PRMT2: variants seen among roughly 807,000 people sequenced by gnomAD.
PRMT2 encodes the protein protein arginine N-methyltransferase 2.
Under a neutral mutation model 57.6 loss-of-function variants are expected in PRMT2, and 26 were observed. The observed-to-expected ratio is 0.45, with a 90% confidence interval of 0.33 to 0.63. The LOEUF (loss-of-function observed/expected upper bound fraction) is 0.63. Among genes scored for constraint, PRMT2 ranks in the 20% least tolerant of loss-of-function variants. The pLI, the probability that PRMT2 is intolerant of heterozygous loss-of-function variation, is 0.02. For synonymous variants in PRMT2, 219 were observed against 220.0 expected, an observed-to-expected ratio of 1.00 and a Z score of 0.04; for missense variants, 472 against 564.4, an observed-to-expected ratio of 0.84 and a Z score of 1.66.
intron 9 of PRMT2, chr21:46,661,596 A>C (rs1030205634): frequency 1.9e-5 from 8 of 410,934 alleles, no homozygotes; most frequent in Non-Finnish European, 3.3e-5. Flanking sequence ...TGGGCGCAAG[A>C]AGCTCAGATG....
At chr21:46,650,739 G>A (rs73383764) in intron 7 of PRMT2, among the ~76,000 whole-genome samples, 8,118 of 152,246 alleles carry the variant, frequency 0.053, 693 homozygotes, top group African/African-American at 0.18. Flanking sequence ...TTGTGTGGGC[G>A]GTGATACGGG....
At chr21:46,643,383 A>G in intron 3 of PRMT2, 152 bp from the exon 4 acceptor site, 1 of 1,238,500 alleles carries the variant, frequency 8.1e-7, no homozygotes, top group Non-Finnish European at 1.0e-6. Context: ...GCCTTTGATT[A>G]TAGTAGTAAA....
chr21:46,644,915 A>T (rs984770650), intron 5 of PRMT2, among the ~76,000 whole-genome samples: 15 of 151,076 alleles, frequency 9.9e-5, no homozygotes, highest in Non-Finnish European at 1.5e-4. Flanking sequence ...CTCAGTATTT[A>T]AAAAAAAAGC....
At chr21:46,661,401 C>T (rs1569165183) in intron 9 of PRMT2, 2 of 167,580 alleles carry the variant, frequency 1.2e-5, no homozygotes, top group East Asian at 1.6e-4. Flanking sequence ...GCGGTTTCCC[C>T]GCGCCCCCGC....
chr21:46,655,897 A>AATT, intron 7 of PRMT2, among the ~76,000 whole-genome samples: 1 of 152,230 alleles, frequency 6.6e-6, no homozygotes, highest in East Asian at 1.9e-4. Flanking sequence ...ATAAAATTCC[A>AATT]ATTAGAATCC....
At chr21:46,653,356 C>T in intron 7 of PRMT2, 21 of 985,392 alleles carry the variant, frequency 2.1e-5, no homozygotes, top group Non-Finnish European at 2.4e-5. Flanking sequence ...ACACTTCAGA[C>T]TTCGGATGTA....
chr21:46,657,108 CACTT>C (rs796735654), intron 7 of PRMT2: 9 of 152,192 alleles, frequency 5.9e-5, no homozygotes, highest in African/African-American at 1.9e-4. Context: ...AGTGAGATAT[CACTT>C]ACACCCATTG....
At chr21:46,652,368 A>T in intron 7 of PRMT2, 1 of 1,096,166 alleles carries the variant, frequency 9.1e-7, no homozygotes, top group South Asian at 2.8e-5. Flanking sequence ...GGTAAATGCA[A>T]CTAAAGAATT....
Position 46,644,481 on chromosome 21 carries a change from G to C in PRMT2, c.320G>C (p.Gly107Ala). 1.3e-6 allele frequency: 2 copies of C among 1,580,606 alleles called. No individual in the cohort carries two copies. Among genetic ancestry groups the C allele is most frequent in the Admixed American group, 1.9e-5 (1 of 51,544 alleles). The change falls in exon 5 of 12, where the codon GGA becomes GCA. Residue 107 changes from glycine to alanine, a missense_variant. Gly to Ala is a moderately conservative substitution (Grantham distance 60, BLOSUM62 0). Transcript: ENST00000355680. ...GATGAAGAGTACTTCGGCAGCTATG[G>C]AACTCTGGTATTGCTTTCTAAATTC... The part of the protein sequence containing the change: ...WQDEEYFGSY[G>A]TLKLHLEMLA...
chr21:46,664,199 A>C, intron 11 of PRMT2, 96 bp from the exon 12 acceptor site: 1 of 1,089,634 alleles, frequency 9.2e-7, no homozygotes, highest in Non-Finnish European at 1.4e-6. Context: ...GCACCTGAAT[A>C]CTGTTCTCTT....
At chr21:46,653,784 G>A in intron 7 of PRMT2, 1 of 1,101,946 alleles carries the variant, frequency 9.1e-7, no homozygotes, top group South Asian at 2.3e-5. Context: ...AAAGTACAGA[G>A]ACATCTTTTT....
At position 46,648,272 on chromosome 21, in the gene PRMT2, G is replaced by A. The variant is rs539862039; in HGVS notation, c.328-186G>A. 8 of 568,138 alleles carry A rather than the reference G, an allele frequency of 1.4e-5. No homozygotes were observed. In the East Asian group the frequency reaches 2.0e-4, roughly 14 times the overall value. 35.2% of individuals were successfully genotyped at this position (568,138 alleles called of 1,614,324 possible). A position where few individuals can be genotyped will look rare whatever the true frequency, so the allele number is the denominator to read the frequency against. On this transcript the variant is annotated intron_variant, in intron 5 of 11. Transcript: ENST00000355680. The surrounding 1 kb of genome is among the most constrained non-coding windows in gnomAD (Gnocchi z 4.8). ...GTATTATTACTGTTATAAGGGGGTG[G>A]GTGAAGTGTTCTCTAAATACCAATG...
intron 9 of PRMT2, 62 bp from the exon 10 acceptor site, chr21:46,661,738 C>G (rs1384743017): frequency 2.4e-6 from 3 of 1,272,836 alleles, no homozygotes; most frequent in Non-Finnish European, 3.0e-6. Flanking sequence ...GGGGGCCGCC[C>G]CAACCCGGGC....
At chr21:46,662,528 CAA>C (rs1366896515) in intron 10 of PRMT2, among the ~76,000 whole-genome samples, 2 of 152,322 alleles carry the variant, frequency 1.3e-5, no homozygotes, top group South Asian at 2.1e-4. Context: ...GTCCCCATCA[CAA>C]GAGTCCTGTG....
Position 46,649,360 on chromosome 21 carries a change from G to A in PRMT2, c.490-215G>A, listed in dbSNP as rs746335538. Among the ~76,000 whole-genome samples, 6 of 152,212 alleles carry A rather than the reference G, an allele frequency of 3.9e-5. No individual in the cohort carries two copies. The highest frequency in any genetic ancestry group is 2.0e-4 in the Admixed American group (3 of 15,284). Reference sequence around the variant, plus strand: ...GCAGCCCTGCGTCTGTGTCTTGTCCGGGAGGTGGGGGCAGTTGGGAGGGTT... The same window carrying A: ...GCAGCCCTGCGTCTGTGTCTTGTCCAGGAGGTGGGGGCAGTTGGGAGGGTT... On this transcript the variant is annotated intron_variant, in intron 6 of 11. Coordinates refer to ENST00000355680, the MANE Select transcript of PRMT2 (RefSeq NM_206962.4). This position sits in a 1 kb window ranked among gnomAD's most constrained non-coding sequence, Gnocchi z 4.8.
Position 46,649,447 on chromosome 21 carries a change from G to A in PRMT2, c.490-128G>A. The A allele has an allele frequency of 1.4e-6, 2 of 1,474,534 alleles. No individual in the cohort carries two copies. Among genetic ancestry groups the A allele is most frequent in the Non-Finnish European group, 1.9e-6 (2 of 1,063,944 alleles). The allele number at this position is 1,474,534 out of a possible 1,614,324, so 91.3% of individuals were successfully genotyped here. ...GGTGTGGCCAGTCCTCGCTGCCTCT[G>A]CTGTCTGGAATGCTGCTTCCCTCTT... On this transcript the variant is annotated intron_variant, in intron 6 of 11. Transcript: ENST00000355680. The surrounding 1 kb of genome is among the most constrained non-coding windows in gnomAD (Gnocchi z 4.8).
intron 8 of PRMT2, 144 bp from the exon 9 acceptor site, chr21:46,660,689 G>C: frequency 1.9e-6 from 2 of 1,051,990 alleles, no homozygotes; most frequent in Non-Finnish European, 2.7e-6. Flanking sequence ...CCTGAGGGCT[G>C]CTCTGGGGTT....
At chr21:46,659,986 AATAAGT>A (rs1490959633) in intron 8 of PRMT2, 2 of 983,672 alleles carry the variant, frequency 2.0e-6, no homozygotes, top group South Asian at 4.7e-5. Flanking sequence ...GGGGGATAAA[AATAAGT>A]ATATCACAAT....
chr21:46,653,096 C>T, intron 7 of PRMT2: 17 of 1,033,432 alleles, frequency 1.6e-5, no homozygotes, highest in Non-Finnish European at 2.0e-5. Flanking sequence ...ATATTATATT[C>T]CGTTATTCTC....
Sources: allele counts gnomAD v4.1 joint callset (sites outside exome capture counted in the v4.1 genomes callset), GRCh38; gene constraint gnomAD v4.1.1; non-coding constraint Gnocchi (gnomAD v3.1); transcripts MANE v1.5; gene names NCBI Gene and HGNC (gene_info 2026-07-23, HGNC 2026-07-21).